Variants in CEP112 observed in about 807,000 individuals in gnomAD.
The protein encoded by CEP112 is centrosomal protein of 112 kDa.
CEP112 carries 127 observed loss-of-function variants against 153.0 expected under a neutral mutation model. That is an observed-to-expected ratio of 0.83 (90% CI 0.72 to 0.96). The LOEUF is 0.96. Ranked by LOEUF, CEP112 falls within the 40% of genes least tolerant of loss-of-function variation. The pLI, the probability that CEP112 is intolerant of heterozygous loss-of-function variation, is 0.00. For synonymous variants in CEP112, 358 were observed against 374.4 expected, an observed-to-expected ratio of 0.96 and a Z score of 0.51; for missense variants, 1,089 against 1,101.2, an observed-to-expected ratio of 0.99 and a Z score of 0.16.
chr17:65,868,905 C>T (rs16962943), intron 20 of CEP112, among the ~76,000 whole-genome samples: 7,331 of 152,204 alleles, frequency 0.048, 223 homozygotes, highest in African/African-American at 0.067. Context: ...TTTTGCTGTA[C>T]GTTTCTGAAT....
intron 21 of CEP112, among the ~76,000 whole-genome samples, chr17:65,842,360 A>T (rs1433296126): frequency 6.6e-6 from 1 of 152,168 alleles, no homozygotes; most frequent in East Asian, 1.9e-4. Flanking sequence ...GCTTCAGACA[A>T]CTAGACTTTG....
intron 18 of CEP112, among the ~76,000 whole-genome samples, chr17:65,940,491 A>G (rs2061474137): frequency 6.6e-6 from 1 of 152,200 alleles, no homozygotes; most frequent in South Asian, 2.1e-4. Context: ...CAACCTATGT[A>G]TCCATTGAAG....
At chr17:65,863,645 G>A (rs1473753586) in intron 20 of CEP112, among the ~76,000 whole-genome samples, 2 of 150,598 alleles carry the variant, frequency 1.3e-5, no homozygotes, top group Non-Finnish European at 3.0e-5. Context: ...TGTAGTCCCA[G>A]CTACTCGGGA....
intron 4 of CEP112, among the ~76,000 whole-genome samples, chr17:66,171,610 A>G (rs973338152): frequency 2.0e-5 from 3 of 152,196 alleles, no homozygotes; most frequent in Non-Finnish European, 4.4e-5. Context: ...TCGATTCACC[A>G]CCAAATGTGA....
At chr17:66,069,639 T>C (rs755263581) in intron 9 of CEP112, among the ~76,000 whole-genome samples, 4 of 152,090 alleles carry the variant, frequency 2.6e-5, no homozygotes, top group African/African-American at 4.8e-5. Flanking sequence ...TAAAAGACTA[T>C]AAGAAGGTCA....
In CEP112 at chr17:66,191,896, G is replaced by A. The variant is rs942014057; in HGVS notation, c.-9+101C>T. The A allele has an allele frequency of 3.3e-5, 5 of 152,148 alleles. No homozygotes were observed. The highest frequency in any genetic ancestry group is 1.2e-4 in the African/African-American group (5 of 41,428). 9.4% of individuals were successfully genotyped at this position (152,148 alleles called of 1,614,324 possible). On this transcript the variant is annotated intron_variant, in intron 1 of 26. Transcript: ENST00000535342. The surrounding 1 kb of genome is among the most constrained non-coding windows in gnomAD (Gnocchi z 4.2). ...GGGCCTGAGGGCGACGCCCCTTCCCGAACGGGCCCGCAAGGGCGGGGCGGC... is the reference window on the plus strand; with the variant it reads ...GGGCCTGAGGGCGACGCCCCTTCCCAAACGGGCCCGCAAGGGCGGGGCGGC...
intron 2 of CEP112, chr17:66,182,285 CTAAATT>C (rs2072752075): frequency 6.6e-6 from 1 of 152,124 alleles, no homozygotes; most frequent in East Asian, 1.9e-4. Flanking sequence ...AACTGATAAA[CTAAATT>C]TAATCATCAG....
intron 21 of CEP112, among the ~76,000 whole-genome samples, chr17:65,775,992 G>C (rs1270921834): frequency 2.0e-5 from 3 of 152,218 alleles, no homozygotes; most frequent in Admixed American, 1.3e-4. Flanking sequence ...TCAACCAAGA[G>C]GTGTCAGCCC....
At chr17:65,929,769 G>T (rs2061058914) in intron 18 of CEP112, among the ~76,000 whole-genome samples, 1 of 152,274 alleles carries the variant, frequency 6.6e-6, no homozygotes, top group African/African-American at 2.4e-5. Flanking sequence ...AACAAAGATT[G>T]CACAGTGTAC....
intron 4 of CEP112, among the ~76,000 whole-genome samples, chr17:66,157,705 C>CAAAAAAA (rs370026993): frequency 2.1e-5 from 2 of 93,806 alleles, no homozygotes; most frequent in African/African-American, 9.3e-5. Context: ...AAATGGAAAG[C>CAAAAAAA]AAAAAAAAAA....
At chr17:65,837,506 G>A (rs540881445) in intron 21 of CEP112, among the ~76,000 whole-genome samples, 2 of 151,914 alleles carry the variant, frequency 1.3e-5, no homozygotes, top group Non-Finnish European at 2.9e-5. Flanking sequence ...CCCCGTCTGG[G>A]AGGTGAGGAG....
At chr17:66,155,279 G>A (rs1054775913) in intron 4 of CEP112, among the ~76,000 whole-genome samples, 1 of 152,164 alleles carries the variant, frequency 6.6e-6, no homozygotes, top group African/African-American at 2.4e-5. Context: ...CACACAGGAA[G>A]TACAAGGGGT....
chr17:66,175,214 G>T lies in CEP112; in HGVS notation c.300C>A (p.Ser100=). 1 of 1,534,998 alleles carries T rather than the reference G, an allele frequency of 6.5e-7. No individual in the cohort carries two copies. The highest frequency in any genetic ancestry group is 2.4e-5 in the East Asian group (1 of 42,204). ...GTLKILPSYM[S]IYFDEPNPAR... ...CTGGATTTGGTTCATCAAAATAGAT[G>T]GACTGATTTTTTAAAATTAGAAAAA... The change falls in exon 4 of 27, where the codon TCC becomes TCA. Residue 100 remains serine, a splice_region_variant and synonymous_variant. Transcript: ENST00000535342.
chr17:65,879,956 T>C (rs2059000365), intron 20 of CEP112, among the ~76,000 whole-genome samples: 1 of 148,254 alleles, frequency 6.7e-6, no homozygotes, highest in South Asian at 2.1e-4. Flanking sequence ...GATAGAAAAA[T>C]TATCAAAGAA....
intron 17 of CEP112, among the ~76,000 whole-genome samples, chr17:65,963,080 A>G (rs576068969): frequency 6.6e-6 from 1 of 152,180 alleles, no homozygotes; most frequent in Non-Finnish European, 1.5e-5. Context: ...CTAGAGTAAC[A>G]ACAGGTCAAG....
intron 22 of CEP112, among the ~76,000 whole-genome samples, chr17:65,746,310 G>T (rs2051465429): frequency 6.6e-6 from 1 of 152,048 alleles, no homozygotes; most frequent in Non-Finnish European, 1.5e-5. Context: ...GGGGAATAAG[G>T]AGAGATTCCT....
chr17:65,866,921 G>A (rs149749668), intron 20 of CEP112, among the ~76,000 whole-genome samples: 2,269 of 152,170 alleles, frequency 0.015, 38 homozygotes, highest in Middle Eastern at 0.058. Context: ...CTGGACACAG[G>A]ACAAGAACTT....
chr17:65,969,476 G>T (rs138640781), intron 17 of CEP112, among the ~76,000 whole-genome samples: 48 of 152,212 alleles, frequency 3.2e-4, no homozygotes, highest in Middle Eastern at 6.8e-3. Flanking sequence ...CATGTGTAAT[G>T]CATGCATATT....
intron 6 of CEP112, among the ~76,000 whole-genome samples, chr17:66,119,512 A>G (rs2069469774): frequency 6.6e-6 from 1 of 151,884 alleles, no homozygotes; most frequent in Non-Finnish European, 1.5e-5. Flanking sequence ...TCCATTCAAT[A>G]TAATATATTT....
Sources: gnomAD v4.1 joint callset for allele counts (sites outside exome capture counted in the v4.1 genomes callset) on GRCh38, gnomAD v4.1.1 for gene constraint, Gnocchi (gnomAD v3.1) non-coding constraint, MANE v1.5 for transcripts, NCBI Gene and HGNC (gene_info 2026-07-23, HGNC 2026-07-21) for gene names.